LAMA3: variants seen among roughly 807,000 people sequenced by gnomAD.
The protein encoded by LAMA3 is laminin subunit alpha 3, also known as laminin subunit alpha-3.
In LAMA3, 281 loss-of-function variants were observed where a neutral mutation model predicts 402.0. The ratio of observed to expected loss-of-function variants is 0.70; its 90% CI spans 0.63 to 0.77. The LOEUF (loss-of-function observed/expected upper bound fraction) is 0.77, where lower values mean the gene tolerates loss of function less well. LAMA3 is among the 30% of genes least tolerant of loss of function. The probability of loss-of-function intolerance (pLI) is 0.00; values close to 1 mark genes in which losing one functional copy is unlikely to be tolerated. For missense variants in LAMA3, 3,840 were observed against 4,215.5 expected, an observed-to-expected ratio of 0.91 and a Z score of 2.47; for synonymous variants, 1,431 against 1,558.4, an observed-to-expected ratio of 0.92 and a Z score of 1.93.
chr18:23,761,848 GA>G (rs1315313387), intron 7 of LAMA3, among the ~76,000 whole-genome samples: 1 of 152,164 alleles, frequency 6.6e-6, no homozygotes, highest in Non-Finnish European at 1.5e-5. Flanking sequence ...GGAAAAATTA[GA>G]GCTACATACT....
intron 2 of LAMA3, among the ~76,000 whole-genome samples, chr18:23,741,535 T>C (rs555652241): frequency 3.9e-5 from 6 of 152,334 alleles, no homozygotes; most frequent in Admixed American, 1.3e-4. Context: ...GTTTTTCAAA[T>C]GGACACCAAC....
chr18:23,903,568 A>G (rs1599049663), intron 49 of LAMA3, among the ~76,000 whole-genome samples: 2 of 152,302 alleles, frequency 1.3e-5, no homozygotes, highest in East Asian at 1.9e-4. Context: ...GGTTAGTTAC[A>G]TATGTATACA....
chr18:23,877,985 C>T (rs1283367263), intron 39 of LAMA3, among the ~76,000 whole-genome samples: 4 of 151,808 alleles, frequency 2.6e-5, no homozygotes, highest in Non-Finnish European at 4.4e-5. Flanking sequence ...TGGTGGTGGG[C>T]GCCTGCAATC....
chr18:23,693,753 T>C (rs1334611473), intron 1 of LAMA3, among the ~76,000 whole-genome samples: 2 of 152,240 alleles, frequency 1.3e-5, no homozygotes, highest in African/African-American at 4.8e-5. Flanking sequence ...GTTAATTTAG[T>C]GGCAATAATA....
chr18:23,712,523 A>C (rs907051637), intron 1 of LAMA3, among the ~76,000 whole-genome samples: 8 of 151,144 alleles, frequency 5.3e-5, no homozygotes, highest in African/African-American at 2.0e-4. Flanking sequence ...TGTTGGGTTG[A>C]AGTGATAGAG....
intron 12 of LAMA3, among the ~76,000 whole-genome samples, chr18:23,806,324 A>G (rs770440749): frequency 6.6e-6 from 1 of 152,170 alleles, no homozygotes; most frequent in Non-Finnish European, 1.5e-5. Flanking sequence ...AATTGGAAAA[A>G]TCATTTAGTT....
Position 23,713,251 on chromosome 18 carries a change from A to T in LAMA3, c.295-669A>T, listed in dbSNP as rs900800802. Among the ~76,000 whole-genome samples the T allele has an allele frequency of 2.6e-5, 4 of 152,288 alleles. No homozygotes were observed. In the South Asian group the frequency reaches 6.2e-4, roughly 24 times the overall value. Reference sequence around the variant, plus strand: ...CTTGTCTCTCAATGCTTGCCCTCAAAGGTGAAACAAGACCAGCCGGCCCCT... The same window carrying T: ...CTTGTCTCTCAATGCTTGCCCTCAATGGTGAAACAAGACCAGCCGGCCCCT... On this transcript the variant is annotated intron_variant, in intron 1 of 74. Coordinates refer to ENST00000313654, the MANE Select transcript of LAMA3 (RefSeq NM_198129.4).
intron 12 of LAMA3, chr18:23,796,066 C>T (rs1185950727): frequency 4.5e-6 from 2 of 447,560 alleles, no homozygotes; most frequent in Admixed American, 4.8e-5. Context: ...AAAGCAGGCC[C>T]TCAGCAGAAA....
intron 13 of LAMA3, among the ~76,000 whole-genome samples, chr18:23,810,853 C>T (rs2063055904): frequency 6.6e-6 from 1 of 152,216 alleles, no homozygotes; most frequent in East Asian, 1.9e-4. Context: ...TGTCTTCTGT[C>T]CCGAGGCATC....
intron 63 of LAMA3, among the ~76,000 whole-genome samples, 161 bp from the exon 64 acceptor site, chr18:23,928,464 G>A (rs1054001109): frequency 6.6e-6 from 1 of 152,220 alleles, no homozygotes; most frequent in Non-Finnish European, 1.5e-5. Flanking sequence ...AAAACTTACA[G>A]ATGATTGCTG....
intron 7 of LAMA3, 118 bp downstream of exon 7, chr18:23,758,629 A>C: frequency 1.1e-5 from 8 of 715,478 alleles, no homozygotes; most frequent in East Asian, 2.7e-5. Flanking sequence ...TTAGGGGCTC[A>C]AGTCTGTCTA....
At chr18:23,843,931 C>T (rs750526008) in intron 29 of LAMA3, among the ~76,000 whole-genome samples, 4 of 152,152 alleles carry the variant, frequency 2.6e-5, no homozygotes, top group Non-Finnish European at 5.9e-5. Context: ...CTGGATAAGT[C>T]CAGCCTACCC....
chr18:23,805,915 C>T (rs753372616), intron 12 of LAMA3, among the ~76,000 whole-genome samples: 1 of 152,202 alleles, frequency 6.6e-6, no homozygotes, highest in African/African-American at 2.4e-5. Context: ...AGTTCTGGGT[C>T]TGTAAACCAG....
At chr18:23,849,601 C>A (rs370425619) in intron 32 of LAMA3, among the ~76,000 whole-genome samples, 6 of 152,140 alleles carry the variant, frequency 3.9e-5, no homozygotes, top group African/African-American at 1.4e-4. Flanking sequence ...GTTAAGGCAC[C>A]AGAAGGTGAT....
chr18:23,790,797 A>G (rs2062635350), intron 12 of LAMA3, among the ~76,000 whole-genome samples: 1 of 152,210 alleles, frequency 6.6e-6, no homozygotes, highest in African/African-American at 2.4e-5. Context: ...AGGGCAAGAA[A>G]GCACTCTGTC....
chr18:23,739,693 G>A (rs1398955448), intron 2 of LAMA3, among the ~76,000 whole-genome samples: 2 of 152,192 alleles, frequency 1.3e-5, no homozygotes, highest in Non-Finnish European at 2.9e-5. Context: ...GAGGAAACTG[G>A]AGTGTTATGG....
At chr18:23,856,506 C>T (rs137916112) in intron 32 of LAMA3, among the ~76,000 whole-genome samples, 139 of 152,286 alleles carry the variant, frequency 9.1e-4, no homozygotes, top group South Asian at 4.4e-3. Context: ...CCAGGGCTCG[C>T]GGCACTTTCT....
At position 23,925,257 on chromosome 18, in the gene LAMA3, T is replaced by C. The variant is rs537946720; in HGVS notation, c.8178-2866T>C. Among the ~76,000 whole-genome samples the C allele has an allele frequency of 3.3e-5, 5 of 152,352 alleles. No homozygotes were observed. In the South Asian group the frequency reaches 8.3e-4, roughly 25 times the overall value. ...CTCAAGGGATTTTGTGCACGTTTTGTTTCTTCCCCCTCTCACTGTAGTGTT... is the reference window on the plus strand; with the variant it reads ...CTCAAGGGATTTTGTGCACGTTTTGCTTCTTCCCCCTCTCACTGTAGTGTT... On this transcript the variant is annotated intron_variant, in intron 62 of 74. Coordinates refer to ENST00000313654, the MANE Select transcript of LAMA3 (RefSeq NM_198129.4).
intron 67 of LAMA3, among the ~76,000 whole-genome samples, chr18:23,938,291 C>A (rs1455336319): frequency 6.6e-6 from 1 of 152,144 alleles, no homozygotes; most frequent in East Asian, 1.9e-4. Context: ...TTTGCTTTGA[C>A]TGATGGAGAT....
Sources: allele counts gnomAD v4.1 joint callset (sites outside exome capture counted in the v4.1 genomes callset), GRCh38; gene constraint gnomAD v4.1.1; transcripts MANE v1.5; gene names NCBI Gene and HGNC (gene_info 2026-07-23, HGNC 2026-07-21).